CRYBG2: variants seen among roughly 807,000 people sequenced by gnomAD.
CRYBG2 encodes crystallin beta-gamma domain containing 2.
A neutral mutation model predicts 153.4 loss-of-function variants in CRYBG2; 106 were observed. That is an observed-to-expected ratio of 0.69 (90% CI 0.59 to 0.81). The LOEUF is 0.81. Ranked by LOEUF, CRYBG2 falls within the 30% of genes least tolerant of loss-of-function variation. CRYBG2 has a pLI of 0.00. For missense variants in CRYBG2, 1,996 were observed against 2,112.0 expected, an observed-to-expected ratio of 0.95 and a Z score of 1.08; for synonymous variants, 851 against 877.8, an observed-to-expected ratio of 0.97 and a Z score of 0.54.
Position 26,345,346 on chromosome 1 carries a change from C to G in CRYBG2, c.1312G>C (p.Ala438Pro). Reference sequence around the variant, plus strand: ...AACTTATTCCTTGGGGACGATGGAGCAGAAAGACCTCCTGGGCTGGGGACA... The same window carrying G: ...AACTTATTCCTTGGGGACGATGGAGGAGAAAGACCTCCTGGGCTGGGGACA... ...KDVPSPGGLS[A>P]PSSPRNKFVQ... Residue 438 changes from alanine (A) to proline (P), a missense_variant, in exon 2 of 20, where the codon GCT (alanine) becomes CCT (proline). By Grantham distance (27) the Ala-to-Pro change is conservative (BLOSUM62 -1). Coordinates refer to ENST00000308182, the MANE Select transcript of CRYBG2 (RefSeq NM_001039775.4). 1 of 1,613,458 alleles carries G rather than the reference C, an allele frequency of 6.2e-7. No homozygotes were observed. The highest frequency in any genetic ancestry group is 1.1e-5 in the South Asian group (1 of 91,088).
chr1:26,346,719 A>C lies in CRYBG2; in HGVS notation c.-55-7T>G. ...CCCACTGTGGTCCAGCTCCCTGCAG[A>C]GGAATAAGAAAGATGAGGGTCAGAG... On this transcript the variant is annotated splice_polypyrimidine_tract_variant and splice_region_variant and intron_variant, in intron 1 of 19. Transcript: ENST00000308182. This position sits in a 1 kb window ranked among gnomAD's most constrained non-coding sequence, Gnocchi z 4.9. 2 of 1,449,442 alleles carry C rather than the reference A, an allele frequency of 1.4e-6. No homozygotes were observed. Among genetic ancestry groups the C allele is most frequent in the Non-Finnish European group, 9.1e-7 (1 of 1,095,188 alleles). The allele number at this position is 1,449,442 out of a possible 1,614,324, so 89.8% of individuals were successfully genotyped here.
chr1:26,349,033 G>A (rs909092228), intron 1 of CRYBG2, among the ~76,000 whole-genome samples: 1 of 151,922 alleles, frequency 6.6e-6, no homozygotes, highest in African/African-American at 2.4e-5. Flanking sequence ...TCCAGGCATG[G>A]TGGTGGGCAC....
At position 26,336,242 on chromosome 1, in the gene CRYBG2, A is replaced by G. The variant is rs962279002; in HGVS notation, c.4072-35T>C. ...GAGAGGGGAGATGAGGGGAAGGAGG[A>G]CGATGGAGTGGGGCCGAGAACAGCG... On this transcript the variant is annotated intron_variant, in intron 13 of 19. Coordinates refer to ENST00000308182, the MANE Select transcript of CRYBG2 (RefSeq NM_001039775.4). The surrounding 1 kb of genome is among the most constrained non-coding windows in gnomAD (Gnocchi z 4.9). 5.1e-6 allele frequency: 8 copies of G among 1,578,530 alleles called. No individual in the cohort carries two copies. Among genetic ancestry groups the G allele is most frequent in the Non-Finnish European group, 6.0e-6 (7 of 1,160,074 alleles).
At chr1:26,322,080 A>T in intron 19 of CRYBG2, 24 bp from the exon 20 acceptor site, 3 of 1,601,528 alleles carry the variant, frequency 1.9e-6, no homozygotes, top group Non-Finnish European at 1.7e-6. Flanking sequence ...GGGGATTAAA[A>T]GATAGGGAGA....
At chr1:26,339,935 G>GT (rs1166177454) in intron 5 of CRYBG2, among the ~76,000 whole-genome samples, 1 of 152,134 alleles carries the variant, frequency 6.6e-6, no homozygotes, top group African/African-American at 2.4e-5. Context: ...GCCTGTGCTG[G>GT]TCCTTTGCTG....
intron 1 of CRYBG2, among the ~76,000 whole-genome samples, chr1:26,349,177 A>C (rs1274905477): frequency 6.6e-6 from 1 of 151,964 alleles, no homozygotes; most frequent in Non-Finnish European, 1.5e-5. Context: ...TCAAAATTAA[A>C]ATTTTAAAAA....
Position 26,336,711 on chromosome 1 carries a change from C to G in CRYBG2, c.3933G>C (p.Val1311=). ...GCACGTACTGTTCCCCGGAGAAGCC[C>G]ACCTCCTGGTAGGCCACCCACCTGC... is the stretch of plus-strand genomic sequence containing the variant. ...LSGVWVAYQE[V]GFSGEQYVLE... is the part of the protein sequence containing the mutation. Residue 1311 remains valine, a synonymous_variant, in exon 12 of 20, where the codon GTG becomes GTC. Coordinates refer to ENST00000308182, the MANE Select transcript of CRYBG2 (RefSeq NM_001039775.4). This position sits in a 1 kb window ranked among gnomAD's most constrained non-coding sequence, Gnocchi z 4.9. The G allele has an allele frequency of 6.3e-7, 1 of 1,578,660 alleles. No homozygotes were observed. The highest frequency in any genetic ancestry group is 8.6e-7 in the Non-Finnish European group (1 of 1,161,980).
intron 14 of CRYBG2, among the ~76,000 whole-genome samples, chr1:26,332,592 C>T (rs762605153): frequency 8.6e-5 from 13 of 151,910 alleles, no homozygotes; most frequent in Non-Finnish European, 1.5e-4. Context: ...CTGTAACCTC[C>T]GCCTCCTGGG....
chr1:26,345,943 T>C lies in CRYBG2; in HGVS notation c.715A>G (p.Ser239Gly). ...PSRSQAVKVL[S>G]NLVPAGHSPP... ...CTGTGCCCAGCAGGCACGAGGTTAC[T>C]TAGCACTTTCACGGCCTGGCTGCGG... Residue 239 changes from serine (S) to glycine (G), a missense_variant, in exon 2 of 20, where the codon AGT becomes GGT. Coordinates refer to ENST00000308182, the MANE Select transcript of CRYBG2 (RefSeq NM_001039775.4). The C allele has an allele frequency of 1.3e-6, 2 of 1,595,350 alleles. No homozygotes were observed. Among genetic ancestry groups the C allele is most frequent in the South Asian group, 1.1e-5 (1 of 90,984 alleles).
At position 26,336,554 on chromosome 1, in the gene CRYBG2, A is replaced by T; in HGVS notation, c.4038+52T>A. 1 of 1,540,238 alleles carries T rather than the reference A, an allele frequency of 6.5e-7. No homozygotes were observed. The highest frequency in any genetic ancestry group is 8.8e-7 in the Non-Finnish European group (1 of 1,142,282). The stretch of plus-strand genomic sequence containing the variant: ...TCTGCGTGGGGGCGGGGCGCACCCG[A>T]ACTCCAGGTCCCGCCACCGGGGAGG... On this transcript the variant is annotated intron_variant, in intron 12 of 19. Coordinates refer to ENST00000308182, the MANE Select transcript of CRYBG2 (RefSeq NM_001039775.4). This position sits in a 1 kb window ranked among gnomAD's most constrained non-coding sequence, Gnocchi z 4.9.
intron 5 of CRYBG2, among the ~76,000 whole-genome samples, chr1:26,339,741 CAA>C (rs35587689): frequency 2.8e-5 from 4 of 143,046 alleles, no homozygotes; most frequent in East Asian, 2.0e-4. Context: ...CGTCTCAAAA[CAA>C]AAAAAAAAAA....
intron 14 of CRYBG2, among the ~76,000 whole-genome samples, chr1:26,333,802 C>T (rs891359299): frequency 1.3e-5 from 2 of 152,064 alleles, no homozygotes; most frequent in African/African-American, 2.4e-5. Context: ...AGCTAAGGCA[C>T]CATGTAAATA....
At chr1:26,331,690 C>G (rs2073999115) in intron 14 of CRYBG2, 72 bp from the exon 15 acceptor site, 1 of 1,577,890 alleles carries the variant, frequency 6.3e-7, no homozygotes, top group Admixed American at 1.7e-5. Flanking sequence ...CCCTGAGATA[C>G]AGAAGAGGGA....
chr1:26,343,241 C>T lies in CRYBG2; in HGVS notation c.2961+5G>A, dbSNP rs745993132. The stretch of plus-strand genomic sequence containing the variant: ...GCCCCCACCCACTTGCCCCCACAAC[C>T]CTACCTTTCCAGGCCTGGTGTTCAG... On this transcript the variant is annotated splice_donor_5th_base_variant and intron_variant, in intron 3 of 19. Transcript: ENST00000308182. This position sits in a 1 kb window ranked among gnomAD's most constrained non-coding sequence, Gnocchi z 4.1. The T allele has an allele frequency of 2.6e-6, 4 of 1,550,434 alleles. No homozygotes were observed. Among genetic ancestry groups the T allele is most frequent in the Middle Eastern group, 1.7e-4 (1 of 6,016 alleles).
At position 26,343,471 on chromosome 1, in the gene CRYBG2, G is replaced by C. The variant is rs562486157; in HGVS notation, c.2914-178C>G. Among the ~76,000 whole-genome samples the C allele has an allele frequency of 9.9e-5, 15 of 152,258 alleles. No homozygotes were observed. Among genetic ancestry groups the C allele is most frequent in the African/African-American group, 3.4e-4 (14 of 41,554 alleles). On this transcript the variant is annotated intron_variant, in intron 2 of 19. Coordinates refer to ENST00000308182, the MANE Select transcript of CRYBG2 (RefSeq NM_001039775.4). The surrounding 1 kb of genome is among the most constrained non-coding windows in gnomAD (Gnocchi z 4.1). ...CCAAGGGCCTCATCACCCTGTCCCA[G>C]GAGCTTGGTGCTCATCACCCGCCTT...
chr1:26,338,535 T>G, intron 6 of CRYBG2, 58 bp from the exon 7 acceptor site: 1 of 1,502,430 alleles, frequency 6.7e-7, no homozygotes, highest in South Asian at 1.4e-5. Flanking sequence ...GGACACAGAT[T>G]GGTGGGCGGG....
chr1:26,335,709 G>T (rs2074045581), intron 14 of CRYBG2, among the ~76,000 whole-genome samples: 1 of 152,124 alleles, frequency 6.6e-6, no homozygotes, highest in Non-Finnish European at 1.5e-5. Context: ...ATCTGAACAC[G>T]GACTGGGTAT....
At chr1:26,329,565 A>C (rs7519149) in intron 15 of CRYBG2, among the ~76,000 whole-genome samples, 1 of 147,426 alleles carries the variant, frequency 6.8e-6, no homozygotes. Flanking sequence ...CTGTAGCCTC[A>C]ACTTCCTGGG....
At position 26,345,777 on chromosome 1, in the gene CRYBG2, G is replaced by A. The variant is rs373177205; in HGVS notation, c.881C>T (p.Thr294Ile). 2 of 1,596,942 alleles carry A rather than the reference G, an allele frequency of 1.3e-6. No homozygotes were observed. The highest frequency in any genetic ancestry group is 1.7e-6 in the Non-Finnish European group (2 of 1,179,188). Residue 294 changes from threonine (T) to isoleucine (I), a missense_variant, in exon 2 of 20, where the codon ACA becomes ATA. By Grantham distance (89) the Thr-to-Ile change is moderately conservative. Transcript: ENST00000308182. ...ELKDSSALAS[T>I]GIPASAHLPK... Reference sequence around the variant, plus strand: ...CAGGTGAGCACTGGCTGGGATGCCTGTAGAGGCCAGGGCAGAGCTGTCTTT... The same window carrying A: ...CAGGTGAGCACTGGCTGGGATGCCTATAGAGGCCAGGGCAGAGCTGTCTTT...
Sources: allele counts gnomAD v4.1 joint callset (sites outside exome capture counted in the v4.1 genomes callset), GRCh38; gene constraint gnomAD v4.1.1; non-coding constraint Gnocchi (gnomAD v3.1); transcripts MANE v1.5; gene names NCBI Gene and HGNC (gene_info 2026-07-23, HGNC 2026-07-21).